NOS1AP: variants seen among roughly 807,000 people sequenced by gnomAD.
The protein encoded by NOS1AP is carboxyl-terminal PDZ ligand of neuronal nitric oxide synthase protein.
NOS1AP carries 21 observed loss-of-function variants against 56.2 expected under a neutral mutation model. That is an observed-to-expected ratio of 0.37 (90% CI 0.26 to 0.54). The LOEUF (loss-of-function observed/expected upper bound fraction) is 0.54, where lower values mean the gene tolerates loss of function less well. Ranked by LOEUF, NOS1AP falls within the 20% of genes least tolerant of loss-of-function variation. NOS1AP has a pLI of 0.84. For missense variants in NOS1AP, 522 were observed against 657.8 expected, an observed-to-expected ratio of 0.79 and a Z score of 2.26; for synonymous variants, 270 against 274.6, an observed-to-expected ratio of 0.98 and a Z score of 0.17.
intron 3 of NOS1AP, among the ~76,000 whole-genome samples, chr1:162,289,975 GT>G (rs1430524079): frequency 6.6e-6 from 1 of 152,122 alleles, no homozygotes; most frequent in Non-Finnish European, 1.5e-5. Flanking sequence ...CATTGTGCAT[GT>G]GAGAAAACTG....
rs145489222 is a variant in NOS1AP at position 162,242,582 on chromosome 1, C to T, written c.178-44762C>T. Reference sequence around the variant, plus strand: ...AAATTTCAGATGCAGCCCTAGCCAACATCTTACTGTAACTGCACGCAAAAC... The same window carrying T: ...AAATTTCAGATGCAGCCCTAGCCAATATCTTACTGTAACTGCACGCAAAAC... On this transcript the variant is annotated intron_variant, in intron 2 of 9. Transcript: ENST00000361897. 2.2e-4 allele frequency among the ~76,000 whole-genome samples: 34 copies of T among 152,332 alleles called. No individual in the cohort carries two copies. In the East Asian group the frequency reaches 6.0e-3, roughly 27 times the overall value.
At chr1:162,071,070 G>C (rs752536688) in intron 1 of NOS1AP, among the ~76,000 whole-genome samples, 3 of 152,152 alleles carry the variant, frequency 2.0e-5, no homozygotes, top group Non-Finnish European at 4.4e-5. Flanking sequence ...CCTGAGTGAG[G>C]AGTTCTGGCT....
intron 1 of NOS1AP, among the ~76,000 whole-genome samples, chr1:162,106,171 A>G (rs1256488910): frequency 6.6e-6 from 1 of 152,120 alleles, no homozygotes; most frequent in Non-Finnish European, 1.5e-5. Flanking sequence ...TGGGAGAAGC[A>G]TGGTTTCCCA....
intron 2 of NOS1AP, among the ~76,000 whole-genome samples, chr1:162,209,874 G>C (rs1652290408): frequency 6.6e-6 from 1 of 152,120 alleles, no homozygotes; most frequent in Non-Finnish European, 1.5e-5. Flanking sequence ...GGTCATCAGT[G>C]TTGTTGGAAG....
At chr1:162,289,880 C>T (rs1241350983) in intron 3 of NOS1AP, among the ~76,000 whole-genome samples, 2 of 152,210 alleles carry the variant, frequency 1.3e-5, no homozygotes, top group Non-Finnish European at 2.9e-5. Context: ...CATGGGGCAA[C>T]TTCATAGTTT....
At chr1:162,284,251 A>G (rs1655022497) in intron 2 of NOS1AP, among the ~76,000 whole-genome samples, 1 of 152,256 alleles carries the variant, frequency 6.6e-6, no homozygotes, top group South Asian at 2.1e-4. Flanking sequence ...ATGATAATAA[A>G]TATTCAAGCA....
intron 2 of NOS1AP, among the ~76,000 whole-genome samples, chr1:162,272,516 T>G (rs756663916): frequency 6.6e-6 from 1 of 152,118 alleles, no homozygotes; most frequent in Non-Finnish European, 1.5e-5. Flanking sequence ...GATGAATTGA[T>G]AGAGATGACG....
chr1:162,114,238 C>T (rs1489038479), intron 1 of NOS1AP, among the ~76,000 whole-genome samples: 3 of 151,532 alleles, frequency 2.0e-5, no homozygotes, highest in Admixed American at 6.6e-5. Flanking sequence ...CAACCAAAGA[C>T]GAATAGGGGA....
At chr1:162,258,309 T>A (rs558153678) in intron 2 of NOS1AP, among the ~76,000 whole-genome samples, 5 of 152,218 alleles carry the variant, frequency 3.3e-5, no homozygotes, top group Admixed American at 6.5e-5. Flanking sequence ...ATTATTTGGG[T>A]GCCCTGCTTG....
chr1:162,091,860 C>G (rs148944223), intron 1 of NOS1AP, among the ~76,000 whole-genome samples: 1 of 152,084 alleles, frequency 6.6e-6, no homozygotes, highest in Admixed American at 6.6e-5. Context: ...TCAACCACTA[C>G]GTGGGCATTA....
intron 2 of NOS1AP, among the ~76,000 whole-genome samples, chr1:162,211,108 G>A (rs1158055043): frequency 6.6e-6 from 1 of 152,250 alleles, no homozygotes; most frequent in Non-Finnish European, 1.5e-5. Context: ...CTCATCTTGG[G>A]AATGAGGGTG....
chr1:162,168,166 G>A (rs906628645), intron 2 of NOS1AP, among the ~76,000 whole-genome samples: 9 of 152,224 alleles, frequency 5.9e-5, no homozygotes, highest in Non-Finnish European at 1.0e-4. Flanking sequence ...GAATGGCCAG[G>A]ATTCGGGCTC....
At chr1:162,122,967 G>A (rs1308148465) in intron 1 of NOS1AP, among the ~76,000 whole-genome samples, 1 of 152,050 alleles carries the variant, frequency 6.6e-6, no homozygotes, top group Non-Finnish European at 1.5e-5. Context: ...TTTTAAAAAT[G>A]CCAATATTTC....
intron 1 of NOS1AP, among the ~76,000 whole-genome samples, chr1:162,142,880 T>G (rs1245828025): frequency 6.6e-6 from 1 of 152,170 alleles, no homozygotes; most frequent in Non-Finnish European, 1.5e-5. Flanking sequence ...TAGAGAGATT[T>G]CTAATCAAGA....
chr1:162,348,628 G>T (rs1418781054), intron 6 of NOS1AP, among the ~76,000 whole-genome samples: 1 of 152,180 alleles, frequency 6.6e-6, no homozygotes, highest in East Asian at 1.9e-4. Context: ...AAGCCCATCA[G>T]GCCCAGGATA....
At chr1:162,183,022 G>A (rs1226946202) in intron 2 of NOS1AP, among the ~76,000 whole-genome samples, 1 of 152,140 alleles carries the variant, frequency 6.6e-6, no homozygotes, top group African/African-American at 2.4e-5. Flanking sequence ...CTTTGTTTGG[G>A]TCCTTCAGAG....
At chr1:162,291,012 T>A (rs1472879797) in intron 3 of NOS1AP, among the ~76,000 whole-genome samples, 1 of 137,368 alleles carries the variant, frequency 7.3e-6, no homozygotes, top group Non-Finnish European at 1.6e-5. Flanking sequence ...TCTTTGAGAA[T>A]CTACTGGACT....
At chr1:162,186,071 T>TTAA (rs1651421967) in intron 2 of NOS1AP, among the ~76,000 whole-genome samples, 1 of 152,230 alleles carries the variant, frequency 6.6e-6, no homozygotes, top group South Asian at 2.1e-4. Flanking sequence ...TTTGTAAATG[T>TTAA]TAAAATAACA....
chr1:162,308,419 A>G (rs1476023238), intron 4 of NOS1AP, among the ~76,000 whole-genome samples: 2 of 152,164 alleles, frequency 1.3e-5, no homozygotes, highest in Non-Finnish European at 2.9e-5. Flanking sequence ...GGGGAAGGCT[A>G]GCAGAGAGAG....
Sources: allele counts gnomAD v4.1 joint callset (sites outside exome capture counted in the v4.1 genomes callset), GRCh38; gene constraint gnomAD v4.1.1; transcripts MANE v1.5; gene names NCBI Gene and HGNC (gene_info 2026-07-23, HGNC 2026-07-21).